GPC3: variants seen among roughly 807,000 people sequenced by gnomAD.
GPC3 encodes glypican 3, also known as glypican-3.
In GPC3, 3 loss-of-function variants were observed where a neutral mutation model predicts 34.4. The observed-to-expected ratio is 0.09, with a 90% CI of 0.04 to 0.23. The LOEUF is 0.23. Among genes scored for constraint, GPC3 ranks in the 10% least tolerant of loss-of-function variants. GPC3 has a pLI of 1.00. For missense variants in GPC3, 351 were observed against 445.6 expected, an observed-to-expected ratio of 0.79 and a Z score of 1.91; for synonymous variants, 177 against 174.0, an observed-to-expected ratio of 1.02 and a Z score of -0.13.
chrX:133,931,490 G>A (rs189741934), intron 2 of GPC3, among the ~76,000 whole-genome samples: 20 of 111,436 alleles, frequency 1.8e-4, no homozygotes, highest in African/African-American at 6.2e-4. Context: ...TATGGGGAAA[G>A]AAGGACCCAG....
At chrX:133,634,409 C>G (rs1315072705) in intron 6 of GPC3, among the ~76,000 whole-genome samples, 2 of 112,039 alleles carry the variant, frequency 1.8e-5, no homozygotes, top group African/African-American at 6.5e-5. Flanking sequence ...TCATACATTC[C>G]AAATCAGAAA....
chrX:133,840,476 G>T (rs1376217792), intron 2 of GPC3, among the ~76,000 whole-genome samples: 1 of 111,217 alleles, frequency 9.0e-6, no homozygotes, highest in East Asian at 2.8e-4. Context: ...CTAAAATGGG[G>T]TTAAAGATAG....
chrX:133,893,774 C>A (rs2076099320), intron 2 of GPC3, among the ~76,000 whole-genome samples: 1 of 111,830 alleles, frequency 8.9e-6, no homozygotes, highest in South Asian at 3.8e-4. Flanking sequence ...GCCTACTCAC[C>A]CTCCCTTCTT....
At chrX:133,781,647 G>T (rs1171842843) in intron 2 of GPC3, among the ~76,000 whole-genome samples, 1 of 111,838 alleles carries the variant, frequency 8.9e-6, no homozygotes, top group Admixed American at 9.5e-5. Flanking sequence ...GCAGAAACTA[G>T]GTGTAAGCAT....
chrX:133,552,396 A>G (rs1263383258), intron 7 of GPC3, among the ~76,000 whole-genome samples: 1 of 111,854 alleles, frequency 8.9e-6, no homozygotes, highest in Non-Finnish European at 1.9e-5. Context: ...TCTTTTGGAG[A>G]CCATGACTCA....
intron 2 of GPC3, among the ~76,000 whole-genome samples, chrX:133,775,706 G>A (rs1371399240): frequency 9.0e-6 from 1 of 111,685 alleles, no homozygotes; most frequent in South Asian, 3.8e-4. Context: ...TTCACTACAC[G>A]AGGGGCTTTG....
At chrX:133,793,219 T>C (rs1452498407) in intron 2 of GPC3, among the ~76,000 whole-genome samples, 1 of 111,713 alleles carries the variant, frequency 9.0e-6, no homozygotes, top group Non-Finnish European at 1.9e-5. Flanking sequence ...TGGGGAGTTT[T>C]TCAAAAGAGT....
chrX:133,863,187 G>A (rs1167866597), intron 2 of GPC3, among the ~76,000 whole-genome samples: 2 of 112,173 alleles, frequency 1.8e-5, no homozygotes, highest in South Asian at 3.7e-4. Flanking sequence ...CCTAGAAACA[G>A]CAAATAAAAC....
At chrX:133,587,357 C>A (rs966263757) in intron 7 of GPC3, among the ~76,000 whole-genome samples, 2 of 111,616 alleles carry the variant, frequency 1.8e-5, no homozygotes, top group Non-Finnish European at 3.8e-5. Flanking sequence ...TGTTGGAAAC[C>A]AAGGTTGAGT....
At chrX:133,898,100 T>C (rs1212137191) in intron 2 of GPC3, among the ~76,000 whole-genome samples, 4 of 111,337 alleles carry the variant, frequency 3.6e-5, no homozygotes, top group Non-Finnish European at 7.5e-5. Context: ...GTGAGTAGAT[T>C]TGAGCATTCT....
chrX:133,818,481 A>T (rs1287335421), intron 2 of GPC3, among the ~76,000 whole-genome samples: 2 of 111,771 alleles, frequency 1.8e-5, no homozygotes, highest in Admixed American at 1.9e-4. Flanking sequence ...AGGTGTTTCC[A>T]GAGTTAGTCT....
At chrX:133,682,285 G>GA (rs1388396236) in intron 5 of GPC3, among the ~76,000 whole-genome samples, 2 of 111,274 alleles carry the variant, frequency 1.8e-5, no homozygotes, top group Admixed American at 1.9e-4. Context: ...TTAGAAGAAG[G>GA]AAACAGCCCT....
intron 1 of GPC3, among the ~76,000 whole-genome samples, chrX:133,957,579 C>T (rs1471266282): frequency 8.9e-6 from 1 of 111,923 alleles, no homozygotes; most frequent in African/African-American, 3.2e-5. Context: ...GGAACTGAAT[C>T]CCAAATGGAA....
intron 6 of GPC3, among the ~76,000 whole-genome samples, chrX:133,605,640 AAC>A (rs1335089659): frequency 8.9e-6 from 1 of 112,400 alleles, no homozygotes; most frequent in Non-Finnish European, 1.9e-5. Context: ...TGGACATGTT[AAC>A]TCTTCTGCTC....
chrX:133,621,230 C>T (rs1309774012), intron 6 of GPC3, among the ~76,000 whole-genome samples: 1 of 111,597 alleles, frequency 9.0e-6, no homozygotes, highest in African/African-American at 3.3e-5. Context: ...CTACAGCTCC[C>T]AGCATGAGTG....
intron 7 of GPC3, among the ~76,000 whole-genome samples, chrX:133,593,354 T>TAAAAAAAAAAAA (rs1186766438): frequency 5.5e-4 from 26 of 47,653 alleles, no homozygotes; most frequent in South Asian, 9.8e-4. Context: ...AAAAAAAAAG[T>TAAAAAAAAAAAA]AAAAAAAAAA....
intron 2 of GPC3, among the ~76,000 whole-genome samples, chrX:133,829,178 A>G (rs137970934): frequency 0.019 from 2,091 of 111,981 alleles, 26 homozygotes; most frequent in Non-Finnish European, 0.024. Context: ...CCAAAAGGAG[A>G]GCTAAAGTGG....
At chrX:133,556,626 A>G (rs191378176) in intron 7 of GPC3, among the ~76,000 whole-genome samples, 1 of 109,405 alleles carries the variant, frequency 9.1e-6, no homozygotes, top group African/African-American at 3.3e-5. Context: ...TGTATGGGGG[A>G]CAAGTTACAA....
intron 5 of GPC3, among the ~76,000 whole-genome samples, chrX:133,667,981 A>C (rs1401790847): frequency 9.3e-6 from 1 of 107,400 alleles, no homozygotes; most frequent in African/African-American, 3.4e-5. Flanking sequence ...GGCTCACTGC[A>C]ACCTCCGCCT....
Sources: gnomAD v4.1 joint callset for allele counts (sites outside exome capture counted in the v4.1 genomes callset) on GRCh38, gnomAD v4.1.1 for gene constraint, MANE v1.5 for transcripts, NCBI Gene and HGNC (gene_info 2026-07-23, HGNC 2026-07-21) for gene names.